UGP2: variants seen among roughly 807,000 people sequenced by gnomAD.
UGP2 encodes UDP-glucose pyrophosphorylase 2, also known as UTP--glucose-1-phosphate uridylyltransferase.
A neutral mutation model predicts 49.0 loss-of-function variants in UGP2; 40 were observed. The observed-to-expected ratio is 0.82, with a 90% CI of 0.63 to 1.06. The LOEUF is 1.06. UGP2 is among the 50% of genes least tolerant of loss of function. The probability of loss-of-function intolerance (pLI) is 0.00; values close to 1 mark genes in which losing one functional copy is unlikely to be tolerated. For missense variants in UGP2, 460 were observed against 603.5 expected (o/e 0.76, Z 2.49); for synonymous variants, 225 against 213.0 (o/e 1.06, Z -0.49).
At chr2:63,876,785 C>G (rs150491070) in intron 3 of UGP2, among the ~76,000 whole-genome samples, 159 of 152,298 alleles carry the variant, frequency 1.0e-3, no homozygotes, top group African/African-American at 3.4e-3. Flanking sequence ...GGCCTGTTCC[C>G]AGAAGTCTTT....
At chr2:63,868,965 CAAAA>C (rs112034753) in intron 3 of UGP2, among the ~76,000 whole-genome samples, 1 of 131,950 alleles carries the variant, frequency 7.6e-6, no homozygotes, top group Non-Finnish European at 1.6e-5. Context: ...AACTCCATCT[CAAAA>C]AAAAAAAAAG....
At chr2:63,878,047 G>A (rs1346688458) in intron 3 of UGP2, among the ~76,000 whole-genome samples, 3 of 145,892 alleles carry the variant, frequency 2.1e-5, no homozygotes, top group South Asian at 4.3e-4. Context: ...GCATGCTTAG[G>A]ACACATAAGT....
At chr2:63,867,338 G>A (rs1188967965) in intron 3 of UGP2, among the ~76,000 whole-genome samples, 2 of 152,130 alleles carry the variant, frequency 1.3e-5, no homozygotes, top group Admixed American at 6.5e-5. Context: ...CCTTAACCAT[G>A]TAACATTGGG....
chr2:63,871,131 A>T (rs1293109251), intron 3 of UGP2, among the ~76,000 whole-genome samples: 2 of 152,168 alleles, frequency 1.3e-5, no homozygotes, highest in Non-Finnish European at 2.9e-5. Context: ...TTATTTGGCA[A>T]CCAATCTTCA....
intron 1 of UGP2, chr2:63,842,599 G>T: frequency 6.8e-7 from 1 of 1,460,616 alleles, no homozygotes; most frequent in Non-Finnish European, 9.0e-7. Flanking sequence ...AGAAAAGCCG[G>T]GTGGGTTTTG....
intron 3 of UGP2, among the ~76,000 whole-genome samples, chr2:63,879,348 A>G (rs571656045): frequency 6.6e-6 from 1 of 152,350 alleles, no homozygotes; most frequent in South Asian, 2.1e-4. Flanking sequence ...AATAGCTTTC[A>G]GAATTATTGT....
At chr2:63,874,586 C>A (rs1347637629) in intron 3 of UGP2, among the ~76,000 whole-genome samples, 1 of 152,096 alleles carries the variant, frequency 6.6e-6, no homozygotes, top group Non-Finnish European at 1.5e-5. Context: ...GGTTTAGGGA[C>A]TGGTCTGTTG....
At chr2:63,852,302 C>G (rs1669095523) in intron 1 of UGP2, among the ~76,000 whole-genome samples, 1 of 152,226 alleles carries the variant, frequency 6.6e-6, no homozygotes, top group Admixed American at 6.5e-5. Flanking sequence ...CTTTCCCACC[C>G]CAAACCTACT....
At chr2:63,856,463 C>A (rs766939160) in intron 2 of UGP2, 30 bp downstream of exon 2, 2 of 1,588,850 alleles carry the variant, frequency 1.3e-6, no homozygotes, top group Non-Finnish European at 1.7e-6. Context: ...GTTCCACCCC[C>A]CCGCCCCTCC....
chr2:63,857,791 C>T, intron 2 of UGP2, 38 bp from the exon 3 acceptor site: 1 of 1,534,442 alleles, frequency 6.5e-7, no homozygotes, highest in Non-Finnish European at 9.0e-7. Flanking sequence ...AAATATTAAG[C>T]ATTCTGCTGG....
chr2:63,869,790 C>T (rs76455521), intron 3 of UGP2, among the ~76,000 whole-genome samples: 1 of 152,094 alleles, frequency 6.6e-6, no homozygotes, highest in Admixed American at 6.5e-5. Context: ...GAAAAGACCT[C>T]TTTACTTACA....
chr2:63,857,669 A>G (rs2104282374), intron 2 of UGP2, 160 bp from the exon 3 acceptor site: 1 of 755,866 alleles, frequency 1.3e-6, no homozygotes, highest in Non-Finnish European at 2.2e-6. Flanking sequence ...CCCAGCCTGT[A>G]TTAGCTTTTA....
intron 1 of UGP2, among the ~76,000 whole-genome samples, chr2:63,849,875 C>T (rs766833380): frequency 3.3e-5 from 5 of 152,172 alleles, no homozygotes; most frequent in Non-Finnish European, 7.3e-5. Context: ...TAAAGCCGTT[C>T]TAAGCATAAA....
intron 7 of UGP2, 25 bp from the exon 8 acceptor site, chr2:63,887,377 A>G (rs186597782): frequency 1.6e-4 from 256 of 1,612,644 alleles, no homozygotes; most frequent in Non-Finnish European, 2.0e-4. Flanking sequence ...TCTGTTTTCT[A>G]TTCCCCACCC....
chr2:63,843,293 A>G (rs1671704905), intron 1 of UGP2, among the ~76,000 whole-genome samples: 2 of 152,240 alleles, frequency 1.3e-5, no homozygotes, highest in South Asian at 4.1e-4. Flanking sequence ...CTTTAGCGCT[A>G]AGCTCAGAAA....
rs975622276 is a variant in UGP2, at chr2:63,842,224, A to G, written c.19+20A>G. 5 of 1,609,588 alleles carry G rather than the reference A, an allele frequency of 3.1e-6. No individual in the cohort carries two copies. Among genetic ancestry groups the G allele is most frequent in the African/African-American group, 2.7e-5 (2 of 74,560 alleles). On this transcript the variant is annotated intron_variant, in intron 1 of 9. Coordinates refer to ENST00000337130, the MANE Select transcript of UGP2 (RefSeq NM_006759.4). Reference sequence around the variant, plus strand: ...TACAAGGTAAGAAATGCTGCTGCTTATATCCCGAGTTGCTTCAGGCAAATT... The same window carrying G: ...TACAAGGTAAGAAATGCTGCTGCTTGTATCCCGAGTTGCTTCAGGCAAATT...
At chr2:63,875,377 C>T (rs1259271307) in intron 3 of UGP2, among the ~76,000 whole-genome samples, 1 of 152,182 alleles carries the variant, frequency 6.6e-6, no homozygotes, top group African/African-American at 2.4e-5. Flanking sequence ...GGGTGTTTGG[C>T]AGTGTCTCCA....
intron 1 of UGP2, among the ~76,000 whole-genome samples, chr2:63,852,051 G>C (rs1669078746): frequency 6.6e-6 from 1 of 152,116 alleles, no homozygotes; most frequent in Admixed American, 6.6e-5. Context: ...TGGCTTACTG[G>C]CCAGAATCAT....
chr2:63,857,949 T>TAAAATGTAGG lies in UGP2; in HGVS notation c.255+24_255+33dup. 1 of 1,611,132 alleles carries TAAAATGTAGG rather than the reference T, an allele frequency of 6.2e-7. No individual in the cohort carries two copies. Among genetic ancestry groups the TAAAATGTAGG allele is most frequent in the Non-Finnish European group, 8.5e-7 (1 of 1,178,158 alleles). ...CCCTGAAGATTCGGTAAGTTTTAGA[T>TAAAATGTAGG]AAAATGTAGGAAAATGTAGGGTAAT... On this transcript the variant is annotated intron_variant, in intron 3 of 9. Transcript: ENST00000337130.
Sources: allele counts gnomAD v4.1 joint callset (sites outside exome capture counted in the v4.1 genomes callset), GRCh38; gene constraint gnomAD v4.1.1; transcripts MANE v1.5; gene names NCBI Gene and HGNC (gene_info 2026-07-23, HGNC 2026-07-21).